Variants in MEGF10 observed in about 807,000 individuals in gnomAD.
MEGF10 encodes the protein multiple EGF like domains 10, also known as multiple epidermal growth factor-like domains protein 10.
Under a neutral mutation model 147.5 loss-of-function variants are expected in MEGF10, and 86 were observed. The observed-to-expected ratio is 0.58, with a 90% CI of 0.49 to 0.70. MEGF10 has a LOEUF of 0.70. Among genes scored for constraint, MEGF10 ranks in the 30% least tolerant of loss-of-function variants. MEGF10 has a pLI of 0.00. For synonymous variants in MEGF10, 478 were observed against 525.5 expected, an observed-to-expected ratio of 0.91 and a Z score of 1.24; for missense variants, 1,329 against 1,487.3, an observed-to-expected ratio of 0.89 and a Z score of 1.75.
chr5:127,417,719 C>T lies in MEGF10; in HGVS notation c.1212C>T (p.Phe404=), dbSNP rs1439079763. The T allele has an allele frequency of 2.5e-6, 4 of 1,613,988 alleles. No individual in the cohort carries two copies. In the African/African-American group the frequency reaches 4.0e-5, roughly 16 times the overall value. Residue 404 remains phenylalanine, a synonymous_variant, in exon 10 of 25, where the codon TTC becomes TTT. Transcript: ENST00000503335. ...LYCNETCSPG[F]YGEACQQICS... ...GTAATGAGACATGTTCTCCTGGATT[C>T]TACGGGGAAGCTTGCCAGCAGATCT...
At chr5:127,230,734 C>A in the MEGF10 span, among the ~76,000 whole-genome samples, 2 of 152,300 alleles carry the variant, frequency 1.3e-5, no homozygotes, top group South Asian at 4.1e-4. Flanking sequence ...CACGTGGAAT[C>A]TGTTTGCCAA....
chr5:127,398,623 G>A lies in MEGF10; in HGVS notation c.660-53G>A, dbSNP rs555673087. The A allele has an allele frequency of 3.2e-5, 51 of 1,609,666 alleles. 1 individual carries two copies. The South Asian group carries it at 4.9e-4, about 15-fold the overall frequency. ...GGGACCCTGGGTACAGTGAACCCGA[G>A]GGTCATGTGTCTGGGAAATAACAGT... On this transcript the variant is annotated intron_variant, in intron 6 of 24. Coordinates refer to ENST00000503335, the MANE Select transcript of MEGF10 (RefSeq NM_001256545.2).
At chr5:127,380,677 C>CTGAGG in intron 5 of MEGF10, among the ~76,000 whole-genome samples, 1 of 152,112 alleles carries the variant, frequency 6.6e-6, no homozygotes, top group Admixed American at 6.5e-5. Context: ...GTCACCACGT[C>CTGAGG]CAGCTAACTT....
chr5:127,341,276 TG>T (rs1761673893), intron 4 of MEGF10, among the ~76,000 whole-genome samples: 1 of 152,192 alleles, frequency 6.6e-6, no homozygotes, highest in African/African-American at 2.4e-5. Context: ...TCTTTCTTTG[TG>T]TATAGGTCAC....
chr5:127,377,388 T>C (rs1300119949), intron 5 of MEGF10, among the ~76,000 whole-genome samples: 4 of 152,216 alleles, frequency 2.6e-5, no homozygotes, highest in Non-Finnish European at 5.9e-5. Context: ...TGCTTGTCCC[T>C]CGGGCTCTTT....
chr5:127,328,989 C>T (rs1761148111), intron 1 of MEGF10, among the ~76,000 whole-genome samples: 1 of 152,132 alleles, frequency 6.6e-6, no homozygotes, highest in Admixed American at 6.5e-5. Context: ...ACTACTACTT[C>T]TTAGTTAAGT....
intron 18 of MEGF10, 78 bp from the exon 19 acceptor site, chr5:127,442,920 G>A: frequency 6.7e-7 from 1 of 1,490,140 alleles, no homozygotes; most frequent in Non-Finnish European, 9.2e-7. Flanking sequence ...AGCTCTAGAT[G>A]TGCAGGGCTT....
At chr5:127,258,963 C>T in the MEGF10 span, among the ~76,000 whole-genome samples, 5 of 152,194 alleles carry the variant, frequency 3.3e-5, no homozygotes, top group South Asian at 8.3e-4. Context: ...TTGATCAAGG[C>T]GACTATGGTG....
chr5:127,338,959 C>T (rs535044169), intron 2 of MEGF10, among the ~76,000 whole-genome samples, 161 bp from the exon 3 acceptor site: 2 of 151,936 alleles, frequency 1.3e-5, no homozygotes, highest in African/African-American at 4.8e-5. Context: ...TTTTGGGGTT[C>T]TAGTTTAAAT....
chr5:127,354,510 G>C (rs538727497), intron 4 of MEGF10, among the ~76,000 whole-genome samples: 14 of 152,318 alleles, frequency 9.2e-5, no homozygotes, highest in South Asian at 4.1e-4. Flanking sequence ...CTGTGTCTGG[G>C]CTAAGAGAGA....
chr5:127,405,791 TA>T (rs960716016), intron 8 of MEGF10, among the ~76,000 whole-genome samples: 1 of 152,138 alleles, frequency 6.6e-6, no homozygotes, highest in African/African-American at 2.4e-5. Context: ...TTTTTTTAAT[TA>T]AAAATTTTGT....
At position 127,394,696 on chromosome 5, in the gene MEGF10, A is replaced by G. The variant is rs1055076859; in HGVS notation, c.413-1836A>G. Reference sequence around the variant, plus strand: ...CATTGTCCATATCCATAGGCAATAAAAGAAACAACTCATATGAATAACAAT... The same window carrying G: ...CATTGTCCATATCCATAGGCAATAAGAGAAACAACTCATATGAATAACAAT... On this transcript the variant is annotated intron_variant, in intron 5 of 24. Transcript: ENST00000503335. Among the ~76,000 whole-genome samples the G allele has an allele frequency of 3.3e-5, 5 of 152,180 alleles. 1 individual carries two copies. The highest frequency in any genetic ancestry group is 3.3e-4 in the Admixed American group (5 of 15,282).
Position 127,417,598 on chromosome 5 carries a change from T to C in MEGF10, c.1131-40T>C, listed in dbSNP as rs190114621. The C allele has an allele frequency of 1.9e-3, 3,062 of 1,608,416 alleles. 7 individuals are homozygous for C. The highest frequency in any genetic ancestry group is 2.5e-3 in the Middle Eastern group (15 of 6,048). On this transcript the variant is annotated intron_variant, in intron 9 of 24. Transcript: ENST00000503335. ...TTGCACAGAAGTTGGGTGTCATGTT[T>C]ACCCCAAAGTGACTTATTCCTTTCA...
chr5:127,334,524 G>A (rs1761390772), intron 2 of MEGF10, among the ~76,000 whole-genome samples: 1 of 152,156 alleles, frequency 6.6e-6, no homozygotes, highest in African/African-American at 2.4e-5. Flanking sequence ...TTTTGAAATA[G>A]AGATGTGCCT....
the MEGF10 span, among the ~76,000 whole-genome samples, chr5:127,270,759 C>T: frequency 6.6e-6 from 1 of 152,158 alleles, no homozygotes; most frequent in African/African-American, 2.4e-5. Context: ...TGTTTGTTCC[C>T]CTGCCATGTG....
At chr5:127,425,379 C>T (rs1339284499) in intron 13 of MEGF10, among the ~76,000 whole-genome samples, 1 of 152,146 alleles carries the variant, frequency 6.6e-6, no homozygotes, top group African/African-American at 2.4e-5. Context: ...TGTTGCCTAC[C>T]ATCTCTGCCT....
intron 4 of MEGF10, among the ~76,000 whole-genome samples, chr5:127,351,847 A>G (rs1047296508): frequency 2.6e-5 from 4 of 152,240 alleles, no homozygotes; most frequent in Non-Finnish European, 5.9e-5. Flanking sequence ...TGAGACTTGC[A>G]AAGTGCAATG....
intron 16 of MEGF10, 27 bp downstream of exon 16, chr5:127,435,516 A>C (rs1272730921): frequency 6.2e-7 from 1 of 1,600,714 alleles, no homozygotes; most frequent in Non-Finnish European, 8.5e-7. Context: ...AACAATTAAT[A>C]AACTGTTCTT....
chr5:127,325,844 C>CATATATATATATACATATAT (rs1561572133), intron 1 of MEGF10, among the ~76,000 whole-genome samples: 1 of 104,424 alleles, frequency 9.6e-6, no homozygotes, highest in Non-Finnish European at 2.1e-5. Flanking sequence ...TATATATATA[C>CATATATATATATACATATAT]ATATATGTGT....
Sources: gnomAD v4.1 joint callset for allele counts (sites outside exome capture counted in the v4.1 genomes callset) on GRCh38, gnomAD v4.1.1 for gene constraint, MANE v1.5 for transcripts, NCBI Gene and HGNC (gene_info 2026-07-23, HGNC 2026-07-21) for gene names.